KCNA6: variants seen among roughly 807,000 people sequenced by gnomAD.
KCNA6 encodes human brain potassium channel-2.
Under a neutral mutation model 29.5 loss-of-function variants are expected in KCNA6, and 17 were observed. That is an observed-to-expected ratio of 0.58 (90% CI 0.39 to 0.86). The LOEUF (loss-of-function observed/expected upper bound fraction) is 0.86. Ranked by LOEUF, KCNA6 falls within the 40% of genes least tolerant of loss-of-function variation. KCNA6 has a pLI of 0.00. For synonymous variants in KCNA6, 296 were observed against 304.7 expected (o/e 0.97, Z 0.30); for missense variants, 450 against 703.4 (o/e 0.64, Z 4.07).
chr12:4,817,739 A>T (rs1284400790), downstream of KCNA6, among the ~76,000 whole-genome samples: 1 of 151,980 alleles, frequency 6.6e-6, no homozygotes. Flanking sequence ...TCCTGATGGG[A>T]TTTATTACAA....
chr12:4,822,210 A>C, the KCNA6 span, among the ~76,000 whole-genome samples: 1 of 152,064 alleles, frequency 6.6e-6, no homozygotes, highest in Admixed American at 6.6e-5. Context: ...GTACATTTCT[A>C]CCAAAGCTTA....
downstream of KCNA6, among the ~76,000 whole-genome samples, chr12:4,815,768 G>A (rs563921105): frequency 3.7e-4 from 57 of 152,300 alleles, no homozygotes; most frequent in African/African-American, 1.2e-3. Flanking sequence ...GCAAGGTGCA[G>A]GGAACACTCC....
the KCNA6 span, among the ~76,000 whole-genome samples, chr12:4,848,708 A>G: frequency 6.6e-6 from 1 of 151,968 alleles, no homozygotes; most frequent in African/African-American, 2.4e-5. Flanking sequence ...CTAATTTTGT[A>G]TTTTTAGTAG....
the KCNA6 span, among the ~76,000 whole-genome samples, chr12:4,842,049 G>GTT: frequency 7.3e-3 from 1,098 of 151,186 alleles, 19 homozygotes; most frequent in African/African-American, 0.026. Flanking sequence ...GTGTGTGTGT[G>GTT]TGTGTGTGTG....
At chr12:4,820,631 C>G in the KCNA6 span, among the ~76,000 whole-genome samples, 1 of 151,442 alleles carries the variant, frequency 6.6e-6, no homozygotes, top group African/African-American at 2.4e-5. Context: ...CAACCAAACT[C>G]CTTAGCAGAG....
chr12:4,827,711 G>A, the KCNA6 span, among the ~76,000 whole-genome samples: 1 of 152,204 alleles, frequency 6.6e-6, no homozygotes, highest in Non-Finnish European at 1.5e-5. Context: ...ATGGAAAAGT[G>A]TCTAGCTCTG....
At chr12:4,824,060 G>A in the KCNA6 span, among the ~76,000 whole-genome samples, 3 of 152,186 alleles carry the variant, frequency 2.0e-5, no homozygotes, top group Non-Finnish European at 4.4e-5. Context: ...CCCGGGGAGA[G>A]TTCAGAACCT....
the KCNA6 span, among the ~76,000 whole-genome samples, chr12:4,824,578 G>A: frequency 3.0e-4 from 46 of 152,196 alleles, no homozygotes; most frequent in African/African-American, 8.9e-4. Flanking sequence ...TACCCATTGA[G>A]AATCCCCGAG....
At chr12:4,813,176 C>T (rs1396356100) in exon 1 of KCNA6, 1 of 166,732 alleles carries the variant, frequency 6.0e-6, no homozygotes, top group African/African-American at 2.4e-5. Context: ...AGAGGACAGC[C>T]TTATGAGGGT....
At chr12:4,845,062 C>G in the KCNA6 span, among the ~76,000 whole-genome samples, 2 of 152,148 alleles carry the variant, frequency 1.3e-5, no homozygotes, top group Non-Finnish European at 2.9e-5. Flanking sequence ...AAGCTTCCCT[C>G]CCCCACTGTC....
the KCNA6 span, among the ~76,000 whole-genome samples, chr12:4,825,366 A>G: frequency 3.9e-5 from 6 of 152,356 alleles, no homozygotes; most frequent in East Asian, 9.6e-4. Context: ...GAAGTCCTGC[A>G]GCAGTAAAAC....
chr12:4,810,329 C>T lies in KCNA6; in HGVS notation c.288C>T (p.Ile96=). ...GCAACCGGCCCAGCTTCGACGCCAT[C>T]CTCTACTACTACCAGTCTGGGGGCC... Residue 96 remains isoleucine (I), a synonymous_variant, in exon 1 of 1, where the codon ATC becomes ATT. Transcript: ENST00000280684. This position sits in a 1 kb window ranked among gnomAD's most constrained non-coding sequence, Gnocchi z 7.5. 6.2e-7 allele frequency: 1 copy of T among 1,614,202 alleles called. No individual in the cohort carries two copies. The highest frequency in any genetic ancestry group is 8.5e-7 in the Non-Finnish European group (1 of 1,180,040).
the KCNA6 span, among the ~76,000 whole-genome samples, chr12:4,823,407 G>GA: frequency 9.5e-6 from 1 of 105,740 alleles, no homozygotes; most frequent in Non-Finnish European, 1.9e-5. Flanking sequence ...GACTTGAAAG[G>GA]AAAAAAAGCT....
chr12:4,825,477 AC>A, the KCNA6 span, among the ~76,000 whole-genome samples: 1 of 152,138 alleles, frequency 6.6e-6, no homozygotes. Flanking sequence ...CTGCTCACAT[AC>A]CCCCAAAACT....
the KCNA6 span, chr12:4,842,753 C>T: frequency 6.6e-6 from 1 of 152,222 alleles, no homozygotes. Flanking sequence ...CCGCCCCCAA[C>T]ATTGGGGATT....
chr12:4,840,396 C>T, the KCNA6 span, among the ~76,000 whole-genome samples: 1 of 152,146 alleles, frequency 6.6e-6, no homozygotes, highest in Non-Finnish European at 1.5e-5. Context: ...CTCAATATCA[C>T]TCATCATTAG....
At chr12:4,823,407 GA>G in the KCNA6 span, among the ~76,000 whole-genome samples, 1 of 105,740 alleles carries the variant, frequency 9.5e-6, no homozygotes, top group Non-Finnish European at 1.9e-5. Context: ...GACTTGAAAG[GA>G]AAAAAAGCTT....
chr12:4,837,601 A>G, the KCNA6 span, among the ~76,000 whole-genome samples: 4 of 152,226 alleles, frequency 2.6e-5, no homozygotes, highest in South Asian at 8.3e-4. Flanking sequence ...GTGGGGAGGA[A>G]TCCCCAAAGA....
In KCNA6 at chr12:4,810,485, G is replaced by C; in HGVS notation, c.444G>C (p.Glu148Asp). ...GCCTGCCCGAAGGTGGCGAGGACGAGAAGCCGCTGCCCTCCCAGCCCTTCC... is the reference window on the plus strand; with the variant it reads ...GCCTGCCCGAAGGTGGCGAGGACGACAAGCCGCTGCCCTCCCAGCCCTTCC... The change falls in exon 1 of 1, where the codon GAG becomes GAC. Residue 148 changes from glutamate (E) to aspartate (D), a missense_variant. Around this residue, in one of 7 missense-constraint regions of KCNA6, gnomAD observed 133 missense variants for 217.5 expected, o/e 0.61. Coordinates refer to ENST00000280684, the Ensembl canonical transcript of KCNA6. This position sits in a 1 kb window ranked among gnomAD's most constrained non-coding sequence, Gnocchi z 7.5. 1 of 1,614,140 alleles carries C rather than the reference G, an allele frequency of 6.2e-7. No homozygotes were observed. Among genetic ancestry groups the C allele is most frequent in the Non-Finnish European group, 8.5e-7 (1 of 1,180,026 alleles).
Sources: gnomAD v4.1 joint callset for allele counts (sites outside exome capture counted in the v4.1 genomes callset) on GRCh38, gnomAD v4.1.1 for gene constraint, gnomAD v4.1.1 regional missense constraint, Gnocchi (gnomAD v3.1) non-coding constraint, MANE v1.5 for transcripts, NCBI Gene and HGNC (gene_info 2026-07-23, HGNC 2026-07-21) for gene names.